The following ADCY7 variants were observed in gnomAD, a reference collection of about 807,000 sequenced individuals.
ADCY7 encodes adenylate cyclase type 7.
In ADCY7, 72 loss-of-function variants were observed where a neutral mutation model predicts 120.6. The ratio of observed to expected loss-of-function variants is 0.60; its 90% CI spans 0.49 to 0.73. The LOEUF (loss-of-function observed/expected upper bound fraction) is 0.73. ADCY7 is among the 30% of genes least tolerant of loss of function. The pLI, the probability that ADCY7 is intolerant of heterozygous loss-of-function variation, is 0.00. For synonymous variants in ADCY7, 661 were observed against 628.0 expected, an observed-to-expected ratio of 1.05 and a Z score of -0.78; for missense variants, 1,227 against 1,486.0, an observed-to-expected ratio of 0.83 and a Z score of 2.87.
chr16:50,281,180 A>G (rs1353733634), intron 1 of ADCY7, among the ~76,000 whole-genome samples: 2 of 152,118 alleles, frequency 1.3e-5, no homozygotes, highest in African/African-American at 4.8e-5. Flanking sequence ...CCATTTGCCA[A>G]TTTGTCTTGC....
At chr16:50,294,511 G>A (rs560842032) in intron 6 of ADCY7, 129 bp from the exon 7 acceptor site, 9 of 612,710 alleles carry the variant, frequency 1.5e-5, no homozygotes, top group African/African-American at 3.7e-5. Context: ...TATGGAGGCT[G>A]AGGAAGGACG....
chr16:50,312,113 G>A lies in ADCY7; in HGVS notation c.2526G>A (p.Glu842=). 1 of 1,614,244 alleles carries A rather than the reference G, an allele frequency of 6.2e-7. No homozygotes were observed. Among genetic ancestry groups the A allele is most frequent in the Non-Finnish European group, 8.5e-7 (1 of 1,180,036 alleles). ...AGCACGAGGAGTTTGAGACCATGGA[G>A]AACGTGAACCGCCTTCTTCTGGAGA... ...KKEHEEFETM[E]NVNRLLLENV... Residue 842 remains glutamate (E), a synonymous_variant, in exon 21 of 26, where the codon GAG becomes GAA. Transcript: ENST00000673801.
At chr16:50,289,199 T>TG in intron 2 of ADCY7, 1 of 313,034 alleles carries the variant, frequency 3.2e-6, no homozygotes, top group Non-Finnish European at 6.3e-6. Flanking sequence ...TTTGTTTTTT[T>TG]TTTGTTTGTT....
intron 10 of ADCY7, chr16:50,301,572 C>G (rs968957600): frequency 3.1e-5 from 7 of 225,374 alleles, no homozygotes; most frequent in Non-Finnish European, 6.2e-5. Context: ...GAGAGACACA[C>G]TTTCAAAACA....
At chr16:50,249,440 G>A (rs1483737757) in intron 1 of ADCY7, among the ~76,000 whole-genome samples, 6 of 131,166 alleles carry the variant, frequency 4.6e-5, no homozygotes, top group Non-Finnish European at 6.5e-5. Context: ...GCAAGACTCC[G>A]TCTAAAACAA....
In ADCY7 at chr16:50,298,986, C is replaced by A. The variant is rs1225921431; in HGVS notation, c.1031C>A (p.Ala344Asp). Residue 344 changes from alanine to aspartate, a missense_variant, in exon 8 of 26, where the codon GCC (alanine) becomes GAC (aspartate). Transcript: ENST00000673801. ...CTGCCCGTGTCGCTGCCTACCCACGCCCGGAACTGCGTGAAGATGGGGCTG... is the reference window on the plus strand; with the variant it reads ...CTGCCCGTGTCGCTGCCTACCCACGACCGGAACTGCGTGAAGATGGGGCTG... Reference protein sequence around the residue: ...SGLPVSLPTHARNCVKMGLDM... With the variant: ...SGLPVSLPTHDRNCVKMGLDM... 6.2e-7 allele frequency: 1 copy of A among 1,613,342 alleles called. No homozygotes were observed. Among genetic ancestry groups the A allele is most frequent in the Admixed American group, 1.7e-5 (1 of 60,022 alleles).
chr16:50,252,507 G>T (rs1158711097), intron 1 of ADCY7, among the ~76,000 whole-genome samples: 4 of 149,962 alleles, frequency 2.7e-5, no homozygotes. Flanking sequence ...TGTGTGCCTG[G>T]GTAGGCATTG....
Position 50,308,682 on chromosome 16 carries a change from C to T in ADCY7, c.1951C>T (p.Arg651Trp), listed in dbSNP as rs566231586. 2.6e-5 allele frequency: 42 copies of T among 1,612,958 alleles called. No homozygotes were observed. Among genetic ancestry groups the T allele is most frequent in the Admixed American group, 3.3e-5 (2 of 59,964 alleles). Residue 651 changes from arginine (R) to tryptophan (W), a missense_variant, in exon 17 of 26, where the codon CGG (arginine) becomes TGG (tryptophan). Arg to Trp is a moderately radical substitution (Grantham distance 101). Coordinates refer to ENST00000673801, the MANE Select transcript of ADCY7 (RefSeq NM_001114.5). ...TACCCCACAGAGGTGCTGCCCAGCTCGGGGGACGCTCTGCACTATCTCTGA... is the reference window on the plus strand; with the variant it reads ...TACCCCACAGAGGTGCTGCCCAGCTTGGGGGACGCTCTGCACTATCTCTGA... ...ATKFSRCCPA[R>W]GTLCTISERV...
upstream of ADCY7, among the ~76,000 whole-genome samples, chr16:50,264,235 T>C (rs1312339680): frequency 6.6e-6 from 1 of 152,210 alleles, no homozygotes; most frequent in African/African-American, 2.4e-5. Flanking sequence ...GAATGTGTCT[T>C]TTGTGGGTGG....
At position 50,311,804 on chromosome 16, in the gene ADCY7, C is replaced by CA; in HGVS notation, c.2448+18_2448+19insA. On this transcript the variant is annotated intron_variant, in intron 20 of 25. Coordinates refer to ENST00000673801, the MANE Select transcript of ADCY7 (RefSeq NM_001114.5). ...CCAGACAGGTAAGGAGGCTGGCCCC[C>CA]CCCCCCCCCCCAAGCTCTGCCCACT... 8.2e-7 allele frequency: 1 copy of CA among 1,225,974 alleles called. No homozygotes were observed. The highest frequency in any genetic ancestry group is 3.1e-5 in the East Asian group (1 of 31,944). The allele number at this position is 1,225,974 out of a possible 1,614,324, so 75.9% of individuals were successfully genotyped here.
chr16:50,268,126 CTCTG>C (rs1294740893), intron 1 of ADCY7, among the ~76,000 whole-genome samples: 63 of 152,188 alleles, frequency 4.1e-4, no homozygotes, highest in South Asian at 4.2e-4. Flanking sequence ...GAGATGGAGT[CTCTG>C]TCTGTTGCCC....
At chr16:50,278,101 A>C (rs1388226111) in intron 1 of ADCY7, among the ~76,000 whole-genome samples, 1 of 151,664 alleles carries the variant, frequency 6.6e-6, no homozygotes, top group African/African-American at 2.4e-5. Flanking sequence ...GTTTACAGGC[A>C]TGATCTTGGC....
At chr16:50,289,369 G>A in intron 2 of ADCY7, 1 of 437,918 alleles carries the variant, frequency 2.3e-6, no homozygotes, top group East Asian at 8.0e-5. Flanking sequence ...CTCCAGGCTG[G>A]CACCACCTAT....
chr16:50,276,845 C>T (rs1045902977), intron 1 of ADCY7, among the ~76,000 whole-genome samples: 3 of 152,184 alleles, frequency 2.0e-5, no homozygotes, highest in African/African-American at 7.2e-5. Context: ...CCTCCTGCCT[C>T]GGCCTCCTGA....
intron 6 of ADCY7, among the ~76,000 whole-genome samples, chr16:50,294,095 G>A (rs1540624): frequency 0.48 from 73,242 of 152,056 alleles, 18,077 homozygotes; most frequent in Middle Eastern, 0.6. Context: ...TGGTCCATGA[G>A]CTTAAGGACT....
intron 1 of ADCY7, among the ~76,000 whole-genome samples, chr16:50,248,190 G>C (rs550385772): frequency 1.2e-3 from 184 of 152,238 alleles, no homozygotes; most frequent in African/African-American, 4.1e-3. Context: ...GTGAGTGCCC[G>C]ACCACGGGCA....
rs377140639 is a variant in ADCY7 at position 50,290,458 on chromosome 16, A to T, written c.173A>T (p.Asp58Val). 1 of 1,613,896 alleles carries T rather than the reference A, an allele frequency of 6.2e-7. No homozygotes were observed. The highest frequency in any genetic ancestry group is 8.5e-7 in the Non-Finnish European group (1 of 1,179,972). Residue 58 changes from aspartate to valine, a missense_variant and splice_region_variant, in exon 3 of 26, where the codon GAC becomes GTC. Around this residue, in one of 5 missense-constraint regions of ADCY7, gnomAD observed 382 missense variants for 411.4 expected, o/e 0.93. Coordinates refer to ENST00000673801, the MANE Select transcript of ADCY7 (RefSeq NM_001114.5). ...ALIIIAFSQGDPSRHQAILGM... is the reference protein window; with the variant it reads ...ALIIIAFSQGVPSRHQAILGM... The stretch of plus-strand genomic sequence containing the variant: ...TTCCTGTCTGTTTGCTCCACCCAGG[A>T]CCCCTCCAGACACCAGGCCATTCTG...
At chr16:50,283,531 A>G (rs2150918573) in intron 1 of ADCY7, among the ~76,000 whole-genome samples, 1 of 152,364 alleles carries the variant, frequency 6.6e-6, no homozygotes, top group South Asian at 2.1e-4. Flanking sequence ...CACTGGGGTC[A>G]TGTGGCCCAT....
At chr16:50,281,093 C>T (rs951771486) in intron 1 of ADCY7, among the ~76,000 whole-genome samples, 1 of 152,182 alleles carries the variant, frequency 6.6e-6, no homozygotes, top group African/African-American at 2.4e-5. Context: ...GCCCACTCTG[C>T]ACCTGCCTCT....
Sources: allele counts gnomAD v4.1 joint callset (sites outside exome capture counted in the v4.1 genomes callset), GRCh38; gene constraint gnomAD v4.1.1; regional missense constraint gnomAD v4.1.1; transcripts MANE v1.5; gene names NCBI Gene and HGNC (gene_info 2026-07-23, HGNC 2026-07-21).